Variants in TNR observed in about 807,000 individuals in gnomAD.
TNR encodes tenascin-R.
Under a neutral mutation model 150.4 loss-of-function variants are expected in TNR, and 45 were observed. The ratio of observed to expected loss-of-function variants is 0.30; its 90% CI spans 0.24 to 0.38. The LOEUF (loss-of-function observed/expected upper bound fraction) is 0.38. Ranked by LOEUF, TNR falls within the 10% of genes least tolerant of loss-of-function variation. The probability of loss-of-function intolerance (pLI) is 1.00; values close to 1 mark genes in which losing one functional copy is unlikely to be tolerated. For missense variants in TNR, 1,544 were observed against 1,759.1 expected, an observed-to-expected ratio of 0.88 and a Z score of 2.19; for synonymous variants, 687 against 678.4, an observed-to-expected ratio of 1.01 and a Z score of -0.20.
At chr1:175,618,035 A>G (rs1289635541) in intron 1 of TNR, among the ~76,000 whole-genome samples, 1 of 152,128 alleles carries the variant, frequency 6.6e-6, no homozygotes, top group East Asian at 1.9e-4. Flanking sequence ...TTCCCCTAAA[A>G]TCTCTTTTGT....
At position 175,684,093 on chromosome 1, in the gene TNR, C is replaced by T. The variant is rs535612478; in HGVS notation, c.-165+59133G>A. Among the ~76,000 whole-genome samples, 11 of 152,280 alleles carry T rather than the reference C, an allele frequency of 7.2e-5. No homozygotes were observed. In the East Asian group the frequency reaches 1.9e-3, roughly 27 times the overall value. ...TATTAGGGAGAATGTCCTTGTGGAA[C>T]CTCTGTGCTGGGTGTGTGCATCAGA... On this transcript the variant is annotated intron_variant, in intron 1 of 22. Transcript: ENST00000367674.
chr1:175,373,553 T>C (rs972993858), intron 9 of TNR, among the ~76,000 whole-genome samples: 1 of 152,214 alleles, frequency 6.6e-6, no homozygotes, highest in African/African-American at 2.4e-5. Context: ...AAGCAGCCAA[T>C]TCCATCCTGA....
At chr1:175,495,023 G>A (rs888477243) in intron 2 of TNR, among the ~76,000 whole-genome samples, 34 of 152,120 alleles carry the variant, frequency 2.2e-4, no homozygotes, top group African/African-American at 5.8e-4. Context: ...TGTCTTCAGC[G>A]TTCACTTCTG....
intron 1 of TNR, among the ~76,000 whole-genome samples, chr1:175,702,546 G>A (rs975634675): frequency 7.9e-5 from 12 of 152,318 alleles, no homozygotes; most frequent in Middle Eastern, 3.4e-3. Context: ...GGCAATGTCT[G>A]GTTATCCCAT....
At chr1:175,553,086 A>G (rs973330484) in intron 1 of TNR, among the ~76,000 whole-genome samples, 1 of 152,180 alleles carries the variant, frequency 6.6e-6, no homozygotes, top group Non-Finnish European at 1.5e-5. Flanking sequence ...CATGAAATAC[A>G]TCACTGAAGA....
chr1:175,504,719 A>G (rs753531121), intron 2 of TNR, among the ~76,000 whole-genome samples: 1 of 152,210 alleles, frequency 6.6e-6, no homozygotes, highest in Non-Finnish European at 1.5e-5. Context: ...GCTCCAGGAA[A>G]GCTAGGTCAG....
chr1:175,450,555 G>A (rs1399389025), intron 2 of TNR, among the ~76,000 whole-genome samples: 2 of 152,208 alleles, frequency 1.3e-5, no homozygotes, highest in East Asian at 1.9e-4. Context: ...CACCAGAGAG[G>A]TCTTTCACCC....
Position 175,477,740 on chromosome 1 carries a change from T to C in TNR, c.-64+50529A>G, listed in dbSNP as rs1014476969. 2.0e-5 allele frequency among the ~76,000 whole-genome samples: 3 copies of C among 152,240 alleles called. No homozygotes were observed. In the South Asian group the frequency reaches 6.2e-4, roughly 32 times the overall value. ...GGAGAAAATTAGATGAAGGCTGTTCTAACGGAGGCACACATGTACAACATA... is the reference window on the plus strand; with the variant it reads ...GGAGAAAATTAGATGAAGGCTGTTCCAACGGAGGCACACATGTACAACATA... On this transcript the variant is annotated intron_variant, in intron 2 of 22. Transcript: ENST00000367674.
chr1:175,693,227 G>A (rs1172962923), intron 1 of TNR, among the ~76,000 whole-genome samples: 1 of 152,198 alleles, frequency 6.6e-6, no homozygotes, highest in Admixed American at 6.5e-5. Context: ...AGGAGTCTCT[G>A]AGGCTGGAGT....
At chr1:175,440,093 C>T (rs1413394260) in intron 2 of TNR, among the ~76,000 whole-genome samples, 12 of 152,116 alleles carry the variant, frequency 7.9e-5, no homozygotes, top group Non-Finnish European at 1.8e-4. Flanking sequence ...TATTGCAGCA[C>T]TATTCACAAT....
chr1:175,743,357 A>G lies in TNR; in HGVS notation c.-296T>C, dbSNP rs144270968. The G allele has an allele frequency of 8.9e-4, 135 of 152,152 alleles. No homozygotes were observed. Among genetic ancestry groups the G allele is most frequent in the African/African-American group, 2.8e-3 (117 of 41,518 alleles). 9.4% of individuals were successfully genotyped at this position (152,152 alleles called of 1,614,324 possible). On this transcript the variant is annotated 5_prime_UTR_variant, in exon 1 of 23. Transcript: ENST00000367674. The stretch of plus-strand genomic sequence containing the variant: ...CTTTCCCTTCTCTTCCCTTCCTCCT[A>G]TTCTGGGAGGAAGAGACAAGGCTCC...
intron 9 of TNR, among the ~76,000 whole-genome samples, chr1:175,372,097 C>A (rs1185983909): frequency 6.6e-6 from 1 of 152,154 alleles, no homozygotes; most frequent in Non-Finnish European, 1.5e-5. Flanking sequence ...GCACCTCCCC[C>A]CAACCCTTGC....
At chr1:175,567,216 T>C (rs1166399898) in intron 1 of TNR, among the ~76,000 whole-genome samples, 1 of 152,164 alleles carries the variant, frequency 6.6e-6, no homozygotes, top group African/African-American at 2.4e-5. Flanking sequence ...AATATTTAAG[T>C]GTAAATTTCC....
At chr1:175,480,829 C>T (rs138718577) in intron 2 of TNR, among the ~76,000 whole-genome samples, 2 of 152,262 alleles carry the variant, frequency 1.3e-5, no homozygotes, top group African/African-American at 4.8e-5. Context: ...TTCCCCCCTG[C>T]CTTTTTTAGC....
At chr1:175,588,983 C>T (rs550563623) in intron 1 of TNR, among the ~76,000 whole-genome samples, 1 of 152,174 alleles carries the variant, frequency 6.6e-6, no homozygotes, top group Admixed American at 6.5e-5. Context: ...CCATTTCAAC[C>T]AAAAATGCCA....
chr1:175,556,187 T>C (rs1464450041), intron 1 of TNR, among the ~76,000 whole-genome samples: 1 of 152,238 alleles, frequency 6.6e-6, no homozygotes, highest in Non-Finnish European at 1.5e-5. Flanking sequence ...GGCCATCCTT[T>C]GGTTTTGGCC....
intron 7 of TNR, among the ~76,000 whole-genome samples, chr1:175,387,657 TTC>T (rs1474896389): frequency 3.3e-5 from 5 of 152,228 alleles, no homozygotes. Flanking sequence ...TTCCAGTAAA[TTC>T]TCTCTTTTGC....
intron 2 of TNR, among the ~76,000 whole-genome samples, chr1:175,431,542 C>T (rs908083865): frequency 6.6e-6 from 1 of 152,080 alleles, no homozygotes; most frequent in Non-Finnish European, 1.5e-5. Flanking sequence ...CCAATCAGTC[C>T]TTTAGATCCT....
At chr1:175,398,646 C>T (rs1256220081) in intron 4 of TNR, among the ~76,000 whole-genome samples, 2 of 152,190 alleles carry the variant, frequency 1.3e-5, no homozygotes, top group Non-Finnish European at 1.5e-5. Context: ...CTCTCACCAA[C>T]ACCATGGGAT....
Sources: allele counts gnomAD v4.1 joint callset (sites outside exome capture counted in the v4.1 genomes callset), GRCh38; gene constraint gnomAD v4.1.1; transcripts MANE v1.5; gene names NCBI Gene and HGNC (gene_info 2026-07-23, HGNC 2026-07-21).